The following NPC1 variants were observed in gnomAD, a reference collection of about 807,000 sequenced individuals.
NPC1 encodes the protein NPC intracellular cholesterol transporter 1, also known as Niemann-Pick C1 protein.
Under a neutral mutation model 140.4 loss-of-function variants are expected in NPC1, and 85 were observed. That is an observed-to-expected ratio of 0.61 (90% confidence interval 0.51 to 0.72). NPC1 has a LOEUF of 0.72. Ranked by LOEUF, NPC1 falls within the 30% of genes least tolerant of loss-of-function variation. The pLI is 0.00. For synonymous variants in NPC1, 656 were observed against 624.8 expected (o/e 1.05, Z -0.74); for missense variants, 1,504 against 1,623.8 (o/e 0.93, Z 1.27).
intron 20 of NPC1, 123 bp downstream of exon 20, chr18:23,538,419 C>G: frequency 8.2e-7 from 1 of 1,219,762 alleles, no homozygotes; most frequent in Admixed American, 1.7e-5. Context: ...ACCAAAGGAC[C>G]AGGACAGGGT....
chr18:23,584,050 C>T (rs886259645), intron 1 of NPC1, among the ~76,000 whole-genome samples: 2 of 152,190 alleles, frequency 1.3e-5, no homozygotes, highest in Non-Finnish European at 2.9e-5. Context: ...ACCAAAATTA[C>T]AGCCGGGAAA....
At chr18:23,566,817 A>G (rs2059132522) in intron 4 of NPC1, among the ~76,000 whole-genome samples, 1 of 152,186 alleles carries the variant, frequency 6.6e-6, no homozygotes, top group South Asian at 2.1e-4. Context: ...CACCACCTAA[A>G]AATCTTCTGT....
Position 23,568,953 on chromosome 18 carries a change from C to T in NPC1, c.333G>A (p.Leu111=). Residue 111 remains leucine, a synonymous_variant, in exon 4 of 25, where the codon CTG becomes CTA. Coordinates refer to ENST00000269228, the MANE Select transcript of NPC1 (RefSeq NM_000271.5). Reference sequence around the variant, plus strand: ...ACTGACTCTGTCGAGGGCTACATGTCAGCTCACAAAACAGGTTCAGTAGGT... The same window carrying T: ...ACTGACTCTGTCGAGGGCTACATGTTAGCTCACAAAACAGGTTCAGTAGGT... ...FYNLLNLFCE[L]TCSPRQSQFL... is the part of the protein sequence containing the mutation. 6.2e-7 allele frequency: 1 copy of T among 1,613,978 alleles called. No individual in the cohort carries two copies. Among genetic ancestry groups the T allele is most frequent in the Non-Finnish European group, 8.5e-7 (1 of 1,179,934 alleles).
At chr18:23,517,683 C>CT (rs888094784), downstream of NPC1, among the ~76,000 whole-genome samples, 26 of 151,032 alleles carry the variant, frequency 1.7e-4, no homozygotes, top group East Asian at 2.5e-3. Flanking sequence ...TTTCTTCTTC[C>CT]TTTTTTTTTA....
In NPC1 at chr18:23,515,814, C is replaced by T. The variant is rs573825312; in HGVS notation, c.432-9172G>A. The T allele has an allele frequency of 4.7e-5, 75 of 1,611,302 alleles. No individual in the cohort carries two copies. In the Middle Eastern group the frequency reaches 5.0e-4, roughly 11 times the overall value. On this transcript the variant is annotated intron_variant, in intron 3 of 3. Transcript: ENST00000591107. ...TCCCAAAGTGCTGGGATTAGTTTGC[C>T]GTTTTTTAAATGAAGATCCTGTTTC...
At chr18:23,543,260 C>T (rs768852259) in intron 14 of NPC1, among the ~76,000 whole-genome samples, 195 bp downstream of exon 14, 1 of 140,482 alleles carries the variant, frequency 7.1e-6, no homozygotes, top group Non-Finnish European at 1.5e-5. Flanking sequence ...ACCCGGGAGG[C>T]GGAGGCTGCA....
chr18:23,533,532 A>G lies in NPC1; in HGVS notation c.3592-15T>C, dbSNP rs746006854. On this transcript the variant is annotated splice_polypyrimidine_tract_variant and intron_variant, in intron 23 of 24. Transcript: ENST00000269228. ...CCACTGAACACCTAAAAGAAGAGAT[A>G]CTGTGTTAGAAACCACTTTTACCAA... 2.5e-6 allele frequency: 4 copies of G among 1,613,658 alleles called. No individual in the cohort carries two copies. In the Admixed American group the frequency reaches 6.7e-5, roughly 27 times the overall value.
intron 19 of NPC1, 103 bp from the exon 20 acceptor site, chr18:23,538,774 T>G: frequency 8.1e-7 from 1 of 1,241,608 alleles, no homozygotes; most frequent in Non-Finnish European, 1.2e-6. Flanking sequence ...TTCTTCTCTA[T>G]CGATTACTTT....
In NPC1 at chr18:23,538,539, T is replaced by C. The variant is rs771909369; in HGVS notation, c.3041+3A>G. 6.2e-7 allele frequency: 1 copy of C among 1,614,140 alleles called. No homozygotes were observed. The highest frequency in any genetic ancestry group is 1.1e-5 in the South Asian group (1 of 91,078). On this transcript the variant is annotated splice_donor_region_variant and intron_variant, in intron 20 of 24. Coordinates refer to ENST00000269228, the MANE Select transcript of NPC1 (RefSeq NM_000271.5). ...GCTTATCTGCAATGGCAGCAGCACTTACCCTTTGCCACACTTGGGGTTAGG... is the reference window on the plus strand; with the variant it reads ...GCTTATCTGCAATGGCAGCAGCACTCACCCTTTGCCACACTTGGGGTTAGG...
At chr18:23,539,636 G>A in intron 18 of NPC1, 166 bp from the exon 19 acceptor site, 2 of 824,440 alleles carry the variant, frequency 2.4e-6, no homozygotes, top group South Asian at 1.6e-5. Flanking sequence ...GTATTAGGTG[G>A]TAAATTAGTC....
At chr18:23,517,976 C>T (rs2058053621), downstream of NPC1, among the ~76,000 whole-genome samples, 1 of 152,214 alleles carries the variant, frequency 6.6e-6, no homozygotes. Context: ...CCTCATCCTC[C>T]CAAAGTGCTG....
At chr18:23,538,035 G>A (rs986103096) in intron 20 of NPC1, among the ~76,000 whole-genome samples, 1 of 152,166 alleles carries the variant, frequency 6.6e-6, no homozygotes, top group African/African-American at 2.4e-5. Flanking sequence ...TCTGGCTTCC[G>A]TGGGTAACTG....
chr18:23,549,177 G>A (rs2145421848), intron 10 of NPC1, among the ~76,000 whole-genome samples: 1 of 152,260 alleles, frequency 6.6e-6, no homozygotes, highest in South Asian at 2.1e-4. Context: ...TTCCAAAGAA[G>A]CTTAACTATT....
chr18:23,531,542 C>T lies in NPC1; in HGVS notation c.*660G>A. ...TTATTAAAGAAAAATAAGTTAAAAC[C>T]CAGTAGACACACCTACGAGATGCTT... On this transcript the variant is annotated 3_prime_UTR_variant, in exon 25 of 25. Coordinates refer to ENST00000269228, the MANE Select transcript of NPC1 (RefSeq NM_000271.5). 2 of 1,557,822 alleles carry T rather than the reference C, an allele frequency of 1.3e-6. No homozygotes were observed. The highest frequency in any genetic ancestry group is 1.7e-6 in the Non-Finnish European group (2 of 1,157,010).
At chr18:23,532,695 CTTTTTTTT>C (rs61493442) in intron 24 of NPC1, among the ~76,000 whole-genome samples, 5 of 136,840 alleles carry the variant, frequency 3.7e-5, no homozygotes, top group South Asian at 2.3e-4. Flanking sequence ...GTGCTCATCT[CTTTTTTTT>C]TTTTTTTTTC....
chr18:23,526,565 T>G (rs996702690), downstream of NPC1: 1 of 1,570,340 alleles, frequency 6.4e-7, no homozygotes, highest in Non-Finnish European at 8.6e-7. Context: ...CGCAGATGTT[T>G]AGGGGAACCA....
chr18:23,529,646 T>C, downstream of NPC1: 1 of 1,614,138 alleles, frequency 6.2e-7, no homozygotes, highest in Admixed American at 1.7e-5. Context: ...AGATGCCTCA[T>C]AAATTTGTGA....
chr18:23,584,454 AT>A (rs2059391798), intron 1 of NPC1, among the ~76,000 whole-genome samples: 1 of 152,206 alleles, frequency 6.6e-6, no homozygotes, highest in African/African-American at 2.4e-5. Context: ...GCCTCCAGGC[AT>A]TTTTGCAAGA....
At chr18:23,544,868 A>T (rs2058761229) in intron 12 of NPC1, 92 bp downstream of exon 12, 1 of 938,386 alleles carries the variant, frequency 1.1e-6, no homozygotes, top group Non-Finnish European at 1.7e-6. Context: ...AGTTTTAAAC[A>T]TAATGGAATA....
Sources: allele counts gnomAD v4.1 joint callset (sites outside exome capture counted in the v4.1 genomes callset), GRCh38; gene constraint gnomAD v4.1.1; transcripts MANE v1.5; gene names NCBI Gene and HGNC (gene_info 2026-07-23, HGNC 2026-07-21).